The following CKAP2 variants were observed in gnomAD, a reference collection of about 807,000 sequenced individuals.
The protein encoded by CKAP2 is cytoskeleton associated protein 2, also known as cytoskeleton-associated protein 2.
Under a neutral mutation model 58.4 loss-of-function variants are expected in CKAP2, and 46 were observed. The observed-to-expected ratio is 0.79, with a 90% confidence interval of 0.62 to 1.01. CKAP2 has a LOEUF of 1.01. Among genes scored for constraint, CKAP2 ranks in the 50% least tolerant of loss-of-function variants. CKAP2 has a pLI of 0.00. For missense variants in CKAP2, 809 were observed against 796.4 expected (o/e 1.02, Z -0.19); for synonymous variants, 293 against 280.9 (o/e 1.04, Z -0.43).
intron 1 of CKAP2, chr13:52,455,876 G>T: frequency 5.1e-6 from 5 of 980,338 alleles, no homozygotes; most frequent in Non-Finnish European, 6.5e-6. Context: ...GAAGGAATCC[G>T]TTAGGCGAGG....
At chr13:52,473,576 CA>C in intron 7 of CKAP2, 1 of 360,978 alleles carries the variant, frequency 2.8e-6, no homozygotes, top group Non-Finnish European at 5.0e-6. Context: ...ATACCACAGG[CA>C]AAGTTAGTTG....
chr13:52,466,319 T>G (rs1316105616), intron 6 of CKAP2, among the ~76,000 whole-genome samples: 1 of 152,238 alleles, frequency 6.6e-6, no homozygotes, highest in East Asian at 1.9e-4. Context: ...TCTTGGAGAT[T>G]GTTTACATAG....
At chr13:52,470,215 C>T (rs1410745532) in intron 7 of CKAP2, among the ~76,000 whole-genome samples, 1 of 151,808 alleles carries the variant, frequency 6.6e-6, no homozygotes, top group African/African-American at 2.4e-5. Context: ...AAGCGATTCT[C>T]CCGCCTCAGC....
chr13:52,462,315 T>A (rs768185093), intron 4 of CKAP2, 48 bp from the exon 5 acceptor site: 3 of 1,494,342 alleles, frequency 2.0e-6, no homozygotes, highest in Non-Finnish European at 2.8e-6. Context: ...TTTGACAGAG[T>A]TCTGTCAGCA....
chr13:52,471,543 C>T (rs147408733), intron 7 of CKAP2, among the ~76,000 whole-genome samples: 9 of 151,822 alleles, frequency 5.9e-5, no homozygotes, highest in African/African-American at 2.2e-4. Flanking sequence ...AAGAAACAAG[C>T]ACCACGTGGG....
In CKAP2 at chr13:52,460,817, C is replaced by T. The variant is rs188972309; in HGVS notation, c.156-82C>T. The T allele has an allele frequency of 2.7e-5, 32 of 1,170,320 alleles. No individual in the cohort carries two copies. The Admixed American group carries it at 7.4e-4, about 27-fold the overall frequency. 72.5% of individuals were successfully genotyped at this position (1,170,320 alleles called of 1,614,324 possible). A position where few individuals can be genotyped will look rare whatever the true frequency, so the allele number is the denominator to read the frequency against. On this transcript the variant is annotated intron_variant, in intron 2 of 8. Transcript: ENST00000258607. ...AATTAGTAAGTCAGTTAATTGTTAA[C>T]ATTGCCCTCTTCTTCCTCCCCAAAA... is the stretch of plus-strand genomic sequence containing the variant.
intron 2 of CKAP2, among the ~76,000 whole-genome samples, chr13:52,459,320 T>A (rs1958534605): frequency 6.6e-6 from 1 of 151,630 alleles, no homozygotes; most frequent in Admixed American, 6.6e-5. Flanking sequence ...ATATATATAT[T>A]TTGTTTTGTT....
intron 8 of CKAP2, 142 bp from the exon 9 acceptor site, chr13:52,474,753 C>A: frequency 2.6e-6 from 2 of 766,122 alleles, no homozygotes; most frequent in Non-Finnish European, 4.1e-6. Flanking sequence ...CTTCGGTGAG[C>A]TTATAGTACC....
intron 6 of CKAP2, among the ~76,000 whole-genome samples, chr13:52,466,902 C>T (rs1220285712): frequency 6.6e-6 from 1 of 151,894 alleles, no homozygotes; most frequent in Non-Finnish European, 1.5e-5. Flanking sequence ...TCAAGACCAG[C>T]CTGGGCAAGA....
chr13:52,463,490 CATT>C (rs1209293001), intron 5 of CKAP2, among the ~76,000 whole-genome samples: 10 of 152,008 alleles, frequency 6.6e-5, no homozygotes, highest in Non-Finnish European at 1.2e-4. Context: ...AAAAAAGACA[CATT>C]AATACAGTGA....
intron 2 of CKAP2, among the ~76,000 whole-genome samples, chr13:52,457,802 C>T (rs923542026): frequency 4.6e-5 from 7 of 151,812 alleles, no homozygotes; most frequent in East Asian, 1.9e-4. Context: ...TGCAGTGAGC[C>T]GAGATCGTGC....
intron 2 of CKAP2, among the ~76,000 whole-genome samples, chr13:52,459,775 T>G (rs1177522517): frequency 6.6e-6 from 1 of 152,226 alleles, no homozygotes; most frequent in Non-Finnish European, 1.5e-5. Context: ...TAAGAGATGC[T>G]CACAGTCTGC....
chr13:52,456,380 A>G, intron 1 of CKAP2, 143 bp from the exon 2 acceptor site: 1 of 748,758 alleles, frequency 1.3e-6, no homozygotes. Context: ...GCAATATTGA[A>G]TTGGAGAATT....
chr13:52,473,980 C>T lies in CKAP2; in HGVS notation c.1698C>T (p.Asp566=). The T allele has an allele frequency of 6.2e-7, 1 of 1,614,002 alleles. No individual in the cohort carries two copies. Among genetic ancestry groups the T allele is most frequent in the Non-Finnish European group, 8.5e-7 (1 of 1,179,976 alleles). The change falls in exon 8 of 9, where the codon GAC becomes GAT. Residue 566 remains aspartate, a synonymous_variant. Coordinates refer to ENST00000258607, the MANE Select transcript of CKAP2 (RefSeq NM_018204.5). ...TTCAAGATTGTGAAAAAGAGCAAGA[C>T]AACAAAACAAAAGATCCAACCCATG... ...LLFQDCEKEQ[D]NKTKDPTHDV... is the part of the protein sequence containing the mutation.
chr13:52,471,216 G>T (rs183848910), intron 7 of CKAP2, among the ~76,000 whole-genome samples: 1 of 152,050 alleles, frequency 6.6e-6, no homozygotes, highest in Non-Finnish European at 1.5e-5. Context: ...AAAAGACAGC[G>T]ACGTGGAAAT....
intron 7 of CKAP2, among the ~76,000 whole-genome samples, chr13:52,469,132 GTTTTTC>G (rs1164247751): frequency 6.6e-6 from 1 of 152,114 alleles, no homozygotes; most frequent in Non-Finnish European, 1.5e-5. Flanking sequence ...TGCTGAATTA[GTTTTTC>G]TTTTATCTTT....
chr13:52,465,935 A>ATATATATACACACG (rs1491239867), intron 6 of CKAP2: 264 of 305,604 alleles, frequency 8.6e-4, no homozygotes, highest in African/African-American at 5.8e-3. Flanking sequence ...ATATACACAC[A>ATATATATACACACG]TATATATACA....
chr13:52,463,844 C>G (rs1410037362), intron 5 of CKAP2, among the ~76,000 whole-genome samples: 2 of 152,118 alleles, frequency 1.3e-5, no homozygotes, highest in African/African-American at 4.8e-5. Context: ...TTTTTCTGTT[C>G]TGGATAAATG....
At chr13:52,469,588 TATTTA>T (rs1566104089) in intron 7 of CKAP2, among the ~76,000 whole-genome samples, 11 of 141,906 alleles carry the variant, frequency 7.8e-5, no homozygotes, top group Non-Finnish European at 1.2e-4. Flanking sequence ...TTTATTTATT[TATTTA>T]TTTATTTTTT....
Sources: gnomAD v4.1 joint callset for allele counts (sites outside exome capture counted in the v4.1 genomes callset) on GRCh38, gnomAD v4.1.1 for gene constraint, MANE v1.5 for transcripts, NCBI Gene and HGNC (gene_info 2026-07-23, HGNC 2026-07-21) for gene names.